CIITA: variants seen among roughly 807,000 people sequenced by gnomAD.
CIITA encodes MHC class II transactivator.
A neutral mutation model predicts 115.1 loss-of-function variants in CIITA; 72 were observed. The ratio of observed to expected loss-of-function variants is 0.63; its 90% confidence interval spans 0.52 to 0.76. CIITA has a LOEUF of 0.76. Ranked by LOEUF, CIITA falls within the 30% of genes least tolerant of loss-of-function variation. CIITA has a pLI of 0.00. For synonymous variants in CIITA, 763 were observed against 635.6 expected, an observed-to-expected ratio of 1.20 and a Z score of -3.02; for missense variants, 1,617 against 1,463.8, an observed-to-expected ratio of 1.10 and a Z score of -1.71.
At chr16:10,893,908 C>A (rs1240092902) in intron 1 of CIITA, among the ~76,000 whole-genome samples, 1 of 148,504 alleles carries the variant, frequency 6.7e-6, no homozygotes, top group South Asian at 2.1e-4. Context: ...TCAATTTTAG[C>A]ACATTTCATC....
In CIITA at chr16:10,929,106, GC is replaced by G. The variant is rs928721856; in HGVS notation, c.*5257del. The G allele has an allele frequency of 7.1e-5, 46 of 646,878 alleles. No homozygotes were observed. Among genetic ancestry groups the G allele is most frequent in the Non-Finnish European group, 8.8e-5 (46 of 520,724 alleles). The allele number at this position is 646,878 out of a possible 1,614,324, so 40.1% of individuals were successfully genotyped here. ...TGAAGGAGCGAGAATCCCACCCTCA[GC>G]CCCCCAACAGCTTCCTCAGCTTCTT... On this transcript the variant is annotated 3_prime_UTR_variant, in exon 20 of 20. Transcript: ENST00000324288. This position sits in a 1 kb window ranked among gnomAD's most constrained non-coding sequence, Gnocchi z 4.3.
At chr16:10,876,670 T>C (rs2143410343), upstream of CIITA, among the ~76,000 whole-genome samples, 1 of 152,320 alleles carries the variant, frequency 6.6e-6, no homozygotes. Flanking sequence ...CATATTTGGG[T>C]TAACACTCTT....
At chr16:10,913,278 TCTTTCTTTCTTTCC>T (rs1385155700) in intron 13 of CIITA, among the ~76,000 whole-genome samples, 4 of 45,428 alleles carry the variant, frequency 8.8e-5, no homozygotes, top group Non-Finnish European at 1.6e-4. Context: ...TTCCCTCCTT[TCTTTCTTTCTTTCC>T]CTTTCTTTCT....
In CIITA at chr16:10,896,040, T is replaced by C. The variant is rs937420496; in HGVS notation, c.295+276T>C. ...CCTCCATTTCTATACGCATTTCTGC[T>C]TCTTGCTCTTCTGTCCATCCTTTCT... On this transcript the variant is annotated intron_variant, in intron 3 of 19. Transcript: ENST00000324288. Among the ~76,000 whole-genome samples the C allele has an allele frequency of 2.6e-5, 4 of 152,248 alleles. No homozygotes were observed. The East Asian group carries it at 5.8e-4, about 22-fold the overall frequency.
chr16:10,874,227 G>T (rs45623931), upstream of CIITA, among the ~76,000 whole-genome samples: 1,346 of 152,114 alleles, frequency 8.8e-3, 9 homozygotes, highest in Middle Eastern at 0.024. Flanking sequence ...CAGGTGATCC[G>T]CCCGCCTCAG....
intron 1 of CIITA, among the ~76,000 whole-genome samples, chr16:10,891,067 C>A (rs900546152): frequency 1.3e-5 from 2 of 152,174 alleles, no homozygotes; most frequent in African/African-American, 4.8e-5. Flanking sequence ...AACCACACAG[C>A]AGTGTCATCC....
chr16:10,895,132 A>T, intron 1 of CIITA, 150 bp from the exon 2 acceptor site: 1 of 846,384 alleles, frequency 1.2e-6, no homozygotes, highest in Non-Finnish European at 1.9e-6. Context: ...TGCTCTCTCC[A>T]CCACGCTGAG....
intron 13 of CIITA, among the ~76,000 whole-genome samples, chr16:10,913,154 C>G (rs2039696028): frequency 6.6e-6 from 1 of 152,276 alleles, no homozygotes; most frequent in South Asian, 2.1e-4. Context: ...GCTGTGCCCT[C>G]TGCCTGGAAT....
At position 10,915,556 on chromosome 16, in the gene CIITA, T is replaced by C; in HGVS notation, c.2889-14T>C. 6.2e-7 allele frequency: 1 copy of C among 1,611,132 alleles called. No individual in the cohort carries two copies. The highest frequency in any genetic ancestry group is 8.5e-7 in the Non-Finnish European group (1 of 1,177,308). ...CTGTGACTGGAGGTCTTACCCTTGC[T>C]CTTTGCCTCCTAGGCTGGGCCCTGT... On this transcript the variant is annotated splice_polypyrimidine_tract_variant and intron_variant, in intron 13 of 19. Coordinates refer to ENST00000324288, the MANE Select transcript of CIITA (RefSeq NM_000246.4).
intron 1 of CIITA, among the ~76,000 whole-genome samples, chr16:10,890,085 G>A (rs1009324549): frequency 6.6e-6 from 1 of 152,154 alleles, no homozygotes; most frequent in African/African-American, 2.4e-5. Context: ...TGCTTAAGGT[G>A]CAGGCTTCAG....
At chr16:10,893,896 A>AG (rs1183500588) in intron 1 of CIITA, among the ~76,000 whole-genome samples, 1 of 148,690 alleles carries the variant, frequency 6.7e-6, no homozygotes, top group African/African-American at 2.5e-5. Flanking sequence ...CCATCCCCAC[A>AG]GTCAATTTTA....
intron 1 of CIITA, among the ~76,000 whole-genome samples, chr16:10,882,619 C>T (rs1482829616): frequency 6.6e-6 from 1 of 151,836 alleles, no homozygotes. Flanking sequence ...GATTCCAGGC[C>T]GGGCATGGTG....
chr16:10,883,413 C>T (rs2036616694), intron 1 of CIITA, among the ~76,000 whole-genome samples: 1 of 152,252 alleles, frequency 6.6e-6, no homozygotes, highest in African/African-American at 2.4e-5. Flanking sequence ...GCAGCTCATA[C>T]AGCTCATCTT....
At chr16:10,883,606 T>C (rs1056285900) in intron 1 of CIITA, among the ~76,000 whole-genome samples, 1 of 152,164 alleles carries the variant, frequency 6.6e-6, no homozygotes, top group Admixed American at 6.5e-5. Flanking sequence ...AGAGGGGGCA[T>C]CTGTGGTGTC....
intron 1 of CIITA, among the ~76,000 whole-genome samples, chr16:10,868,323 A>G (rs573809194): frequency 1.3e-5 from 2 of 151,994 alleles, no homozygotes; most frequent in South Asian, 4.1e-4. Context: ...CTGGATTTGA[A>G]GACAGACAAG....
At chr16:10,884,919 A>T (rs1344188656) in intron 1 of CIITA, among the ~76,000 whole-genome samples, 1 of 152,106 alleles carries the variant, frequency 6.6e-6, no homozygotes, top group Non-Finnish European at 1.5e-5. Context: ...GACAGGACAT[A>T]ATTGAATCCT....
At chr16:10,910,088 C>T in intron 12 of CIITA, 100 bp from the exon 13 acceptor site, 2 of 958,014 alleles carry the variant, frequency 2.1e-6, no homozygotes, top group Non-Finnish European at 3.3e-6. Context: ...AGCAATCCCC[C>T]TGGGGAATTT....
At chr16:10,890,552 G>A (rs2037459003) in intron 1 of CIITA, among the ~76,000 whole-genome samples, 1 of 152,202 alleles carries the variant, frequency 6.6e-6, no homozygotes, top group African/African-American at 2.4e-5. Flanking sequence ...CTCCCAAAGT[G>A]CTGGAATTTC....
At position 10,908,827 on chromosome 16, in the gene CIITA, G is replaced by C. The variant is rs751054437; in HGVS notation, c.2658-202G>C. 2.9e-4 allele frequency: 204 copies of C among 715,284 alleles called. 1 individual carries two copies. Among genetic ancestry groups the C allele is most frequent in the Non-Finnish European group, 4.3e-4 (183 of 421,236 alleles). 44.3% of individuals were successfully genotyped at this position (715,284 alleles called of 1,614,324 possible). A position where few individuals can be genotyped will look rare whatever the true frequency, so the allele number is the denominator to read the frequency against. ...AGCTTCCTGGTAGCCGAAGCAAAAA[G>C]GGAAAGAAAACCACTGTGTGAGTTG... is the stretch of plus-strand genomic sequence containing the variant. On this transcript the variant is annotated intron_variant, in intron 11 of 19. Coordinates refer to ENST00000324288, the MANE Select transcript of CIITA (RefSeq NM_000246.4).
Sources: gnomAD v4.1 joint callset for allele counts (sites outside exome capture counted in the v4.1 genomes callset) on GRCh38, gnomAD v4.1.1 for gene constraint, Gnocchi (gnomAD v3.1) non-coding constraint, MANE v1.5 for transcripts, NCBI Gene and HGNC (gene_info 2026-07-23, HGNC 2026-07-21) for gene names.